Variants in SCRG1 observed in about 807,000 individuals in gnomAD.
SCRG1 encodes stimulator of chondrogenesis 1.
In SCRG1, 3 loss-of-function variants were observed where a neutral mutation model predicts 7.7. That is an observed-to-expected ratio of 0.39 (90% CI 0.18 to 1.01). The LOEUF (loss-of-function observed/expected upper bound fraction) is 1.01, where lower values mean the gene tolerates loss of function less well. SCRG1 is among the 50% of genes least tolerant of loss of function. SCRG1 has a pLI of 0.36. For synonymous variants in SCRG1, 46 were observed against 41.2 expected, an observed-to-expected ratio of 1.12 and a Z score of -0.44; for missense variants, 110 against 117.2, an observed-to-expected ratio of 0.94 and a Z score of 0.28.
chr4:173,436,816 ACAC>A, the SCRG1 span, among the ~76,000 whole-genome samples: 1 of 152,080 alleles, frequency 6.6e-6, no homozygotes, highest in African/African-American at 2.4e-5. Context: ...CTTCGTGTAG[ACAC>A]TACAACTGTT....
chr4:173,446,372 G>T, the SCRG1 span, among the ~76,000 whole-genome samples: 1 of 152,082 alleles, frequency 6.6e-6, no homozygotes, highest in Admixed American at 6.6e-5. Flanking sequence ...TCTACTAATA[G>T]TCATTGTATT....
intron 1 of SCRG1, among the ~76,000 whole-genome samples, chr4:173,404,744 G>A (rs918877236): frequency 6.6e-6 from 1 of 152,166 alleles, no homozygotes; most frequent in African/African-American, 2.4e-5. Context: ...TACTTGGCCA[G>A]CCTGGCTGCT....
At chr4:173,479,443 G>GTTTTTTTTTTTTT in the SCRG1 span, among the ~76,000 whole-genome samples, 2 of 135,250 alleles carry the variant, frequency 1.5e-5, no homozygotes. Flanking sequence ...TTGTTTTTTT[G>GTTTTTTTTTTTTT]TTTTTTTTTT....
intron 1 of SCRG1, among the ~76,000 whole-genome samples, chr4:173,392,586 ATATC>A (rs2126915558): frequency 6.6e-6 from 1 of 152,364 alleles, no homozygotes; most frequent in South Asian, 2.1e-4. Flanking sequence ...AGAATATTAA[ATATC>A]TATCTAATTA....
At chr4:173,463,765 G>C in the SCRG1 span, among the ~76,000 whole-genome samples, 2 of 152,246 alleles carry the variant, frequency 1.3e-5, no homozygotes, top group Non-Finnish European at 1.5e-5. Context: ...TGTGGTTATA[G>C]ACTGTATGAA....
chr4:173,429,220 C>T, the SCRG1 span, among the ~76,000 whole-genome samples: 2 of 151,950 alleles, frequency 1.3e-5, no homozygotes, highest in Non-Finnish European at 2.9e-5. Context: ...TTTATTTTTG[C>T]AAAACTGATT....
At chr4:173,405,865 T>C (rs1321813212) in intron 1 of SCRG1, among the ~76,000 whole-genome samples, 2 of 152,138 alleles carry the variant, frequency 1.3e-5, no homozygotes, top group African/African-American at 4.8e-5. Context: ...GAATCAGCCA[T>C]TTCTCCAAGG....
the SCRG1 span, among the ~76,000 whole-genome samples, chr4:173,476,580 C>T: frequency 6.6e-6 from 1 of 151,764 alleles, no homozygotes; most frequent in African/African-American, 2.4e-5. Flanking sequence ...GGGAAAGTTC[C>T]TGAACTGGCT....
At chr4:173,439,115 C>T in the SCRG1 span, among the ~76,000 whole-genome samples, 14 of 152,082 alleles carry the variant, frequency 9.2e-5, no homozygotes, top group Admixed American at 8.5e-4. Context: ...AAGTTCAGGC[C>T]CCTTGGAAAC....
At chr4:173,402,375 C>T (rs1275459625), upstream of SCRG1, among the ~76,000 whole-genome samples, 1 of 151,338 alleles carries the variant, frequency 6.6e-6, no homozygotes, top group Non-Finnish European at 1.5e-5. Flanking sequence ...AGTAGAGAAA[C>T]ATTTTATACA....
the SCRG1 span, among the ~76,000 whole-genome samples, chr4:173,465,561 CA>C: frequency 6.6e-6 from 1 of 151,828 alleles, no homozygotes; most frequent in Non-Finnish European, 1.5e-5. Context: ...CCTGTGATAT[CA>C]TTCCTATAAT....
chr4:173,504,792 C>T, the SCRG1 span, among the ~76,000 whole-genome samples: 1 of 152,204 alleles, frequency 6.6e-6, no homozygotes, highest in Non-Finnish European at 1.5e-5. This position sits in a 1 kb window ranked among gnomAD's most constrained non-coding sequence, Gnocchi z 4.7. Flanking sequence ...CATTGGCAGC[C>T]TAATTCCAGC....
chr4:173,469,359 A>G, the SCRG1 span: 4 of 152,152 alleles, frequency 2.6e-5, no homozygotes, highest in Non-Finnish European at 5.9e-5. Context: ...ATAATAATAT[A>G]AAATAAATGT....
At position 173,386,301 on chromosome 4, in the gene SCRG1, A is replaced by ATTTTTTTTTTTT. The variant is rs11302799; in HGVS notation, c.*2028_*2039dup. ...AGGCGCCTGCCACCACGCCCAGCTA[A>ATTTTTTTTTTTT]TTTTTTTTTTTTTTTTTTTTGTATT... On this transcript the variant is annotated 3_prime_UTR_variant, in exon 3 of 3. Transcript: ENST00000296506. 2 of 117,030 alleles carry ATTTTTTTTTTTT rather than the reference A, an allele frequency of 1.7e-5. No homozygotes were observed. Among genetic ancestry groups the ATTTTTTTTTTTT allele is most frequent in the East Asian group, 2.5e-4 (1 of 4,004 alleles). The allele number at this position is 117,030 out of a possible 1,614,324, so 7.2% of individuals were successfully genotyped here.
At chr4:173,483,437 T>A in the SCRG1 span, among the ~76,000 whole-genome samples, 11 of 76,054 alleles carry the variant, frequency 1.4e-4, no homozygotes, top group African/African-American at 6.6e-4. Context: ...ATAGTATATA[T>A]TATATATTAT....
chr4:173,515,295 T>C, the SCRG1 span, among the ~76,000 whole-genome samples: 1 of 152,174 alleles, frequency 6.6e-6, no homozygotes, highest in African/African-American at 2.4e-5. The surrounding 1 kb of genome is among the most constrained non-coding windows in gnomAD (Gnocchi z 4.6). Context: ...TAAAGATGTA[T>C]TCGCAGTTTG....
chr4:173,396,154 G>C (rs1739596836), intron 1 of SCRG1, among the ~76,000 whole-genome samples: 1 of 152,192 alleles, frequency 6.6e-6, no homozygotes. Flanking sequence ...GTCATTTGTT[G>C]AACTGAGGAA....
chr4:173,497,907 G>A, the SCRG1 span, among the ~76,000 whole-genome samples: 4 of 151,916 alleles, frequency 2.6e-5, no homozygotes, highest in African/African-American at 7.2e-5. Flanking sequence ...CTCGAACTCC[G>A]GACCTCAGGT....
chr4:173,497,214 A>G, the SCRG1 span, among the ~76,000 whole-genome samples: 11 of 152,228 alleles, frequency 7.2e-5, no homozygotes, highest in African/African-American at 2.4e-4. Context: ...AAAGCTACAC[A>G]TTGACCACCA....
Sources: gnomAD v4.1 joint callset for allele counts (sites outside exome capture counted in the v4.1 genomes callset) on GRCh38, gnomAD v4.1.1 for gene constraint, Gnocchi (gnomAD v3.1) non-coding constraint, MANE v1.5 for transcripts, NCBI Gene and HGNC (gene_info 2026-07-23, HGNC 2026-07-21) for gene names.